Variants in RAI1 observed in about 807,000 individuals in gnomAD.
RAI1 encodes retinoic acid induced 1.
RAI1 carries 9 observed loss-of-function variants against 123.8 expected under a neutral mutation model. That is an observed-to-expected ratio of 0.07 (90% CI 0.04 to 0.13). The LOEUF (loss-of-function observed/expected upper bound fraction) is 0.13, where lower values mean the gene tolerates loss of function less well. Ranked by LOEUF, RAI1 falls within the 10% of genes least tolerant of loss-of-function variation. The probability of loss-of-function intolerance (pLI) is 1.00; values close to 1 mark genes in which losing one functional copy is unlikely to be tolerated. For synonymous variants in RAI1, 1,231 were observed against 1,127.3 expected, an observed-to-expected ratio of 1.09 and a Z score of -1.84; for missense variants, 2,256 against 2,545.8, an observed-to-expected ratio of 0.89 and a Z score of 2.45.
Position 17,809,369 on chromosome 17 carries a change from G to T in RAI1, c.5660-21G>T. 6.3e-7 allele frequency: 1 copy of T among 1,598,722 alleles called. No homozygotes were observed. The highest frequency in any genetic ancestry group is 8.6e-7 in the Non-Finnish European group (1 of 1,166,148). ...GGGCCCCCACCCTGTCCTAACCACC[G>T]AAACTTCTCTTTGGTCACAGGTTGC... On this transcript the variant is annotated intron_variant, in intron 4 of 5. Transcript: ENST00000353383. This position sits in a 1 kb window ranked among gnomAD's most constrained non-coding sequence, Gnocchi z 4.9.
Position 17,728,398 on chromosome 17 carries a change from A to T in RAI1, c.-17+4239A>T, listed in dbSNP as rs184454780. Among the ~76,000 whole-genome samples the T allele has an allele frequency of 2.0e-5, 3 of 152,298 alleles. No individual in the cohort carries two copies. In the East Asian group the frequency reaches 5.8e-4, roughly 29 times the overall value. ...CTGTGAAATGATCCGCACGTTAATT[A>T]AAAACGATTATATCCTGATTGAGCC... On this transcript the variant is annotated intron_variant, in intron 2 of 5. Coordinates refer to ENST00000353383, the MANE Select transcript of RAI1 (RefSeq NM_030665.4).
intron 2 of RAI1, among the ~76,000 whole-genome samples, chr17:17,726,400 C>G (rs1916091194): frequency 7.6e-6 from 1 of 131,502 alleles, no homozygotes; most frequent in Non-Finnish European, 1.6e-5. Flanking sequence ...GGGTGAGGCT[C>G]TGGGAGGCAG....
chr17:17,759,202 A>G (rs567143938), intron 2 of RAI1: 1 of 152,256 alleles, frequency 6.6e-6, no homozygotes, highest in Non-Finnish European at 1.5e-5. Flanking sequence ...GGGTGGTGTG[A>G]CCTCAGACCC....
intron 1 of RAI1, among the ~76,000 whole-genome samples, chr17:17,697,758 C>T (rs1034722927): frequency 4.6e-5 from 7 of 152,084 alleles, no homozygotes; most frequent in Non-Finnish European, 1.0e-4. Context: ...CTGGGACCAA[C>T]GTGTGGTTGT....
chr17:17,711,964 T>C (rs896414095), intron 1 of RAI1, among the ~76,000 whole-genome samples: 2 of 152,232 alleles, frequency 1.3e-5, no homozygotes, highest in African/African-American at 4.8e-5. Context: ...TGACCAGATA[T>C]GTGTTTTCAA....
chr17:17,691,559 G>A (rs1451664307), intron 1 of RAI1, among the ~76,000 whole-genome samples: 1 of 152,228 alleles, frequency 6.6e-6, no homozygotes, highest in Non-Finnish European at 1.5e-5. Flanking sequence ...CCAGCTGAGG[G>A]CACAGCCCAG....
intron 2 of RAI1, among the ~76,000 whole-genome samples, chr17:17,769,218 G>C (rs182199565): frequency 1.1e-3 from 165 of 152,368 alleles, no homozygotes; most frequent in African/African-American, 3.8e-3. Context: ...GGGTATCTGA[G>C]GGGAGCCCTT....
At chr17:17,729,910 A>G (rs868058541) in intron 2 of RAI1, among the ~76,000 whole-genome samples, 2 of 152,302 alleles carry the variant, frequency 1.3e-5, no homozygotes, top group South Asian at 2.1e-4. Context: ...GAGTGGGAGA[A>G]GGGAGAGATG....
intron 2 of RAI1, among the ~76,000 whole-genome samples, chr17:17,724,836 T>G (rs1460658331): frequency 6.6e-6 from 1 of 152,118 alleles, no homozygotes; most frequent in African/African-American, 2.4e-5. Context: ...CTCGGCGGCT[T>G]CCGGATCTGG....
intron 2 of RAI1, among the ~76,000 whole-genome samples, chr17:17,792,648 G>T (rs191002916): frequency 6.6e-6 from 1 of 151,836 alleles, no homozygotes; most frequent in Non-Finnish European, 1.5e-5. Flanking sequence ...ATCAGTGGCC[G>T]TCCTTGGCAA....
rs1185461239 is a variant in RAI1, at chr17:17,681,552, G to C, written c.-390G>C. The C allele has an allele frequency of 5.4e-6, 1 of 186,150 alleles. No individual in the cohort carries two copies. Among genetic ancestry groups the C allele is most frequent in the African/African-American group, 2.4e-5 (1 of 41,822 alleles). The allele number at this position is 186,150 out of a possible 1,614,324, so 11.5% of individuals were successfully genotyped here. ...GTCCCCGGGCGCCGCCCCCGCCCGC[G>C]GCTGGGCTCCGAGAGACGAGTGGGA... On this transcript the variant is annotated 5_prime_UTR_variant, in exon 1 of 6. Transcript: ENST00000353383.
chr17:17,793,031 AG>A lies in RAI1; in HGVS notation c.84del (p.Asn29IlefsTer10). 1 of 1,614,210 alleles carries A rather than the reference AG, an allele frequency of 6.2e-7. No homozygotes were observed. The highest frequency in any genetic ancestry group is 8.5e-7 in the Non-Finnish European group (1 of 1,180,034). On this transcript the variant is annotated frameshift_variant, in exon 3 of 6. Transcript: ENST00000353383. LOFTEE classifies it high-confidence loss of function. ...QQTSQETSRL[E>X]NYRQPSQAGL... is the part of the protein sequence containing the mutation. ...ACCTCGCAGGAAACATCACGCCTAG[AG>A]AATTACAGGCAGCCGAGTCAGGCCG...
intron 2 of RAI1, among the ~76,000 whole-genome samples, chr17:17,730,353 G>A (rs566615118): frequency 6.6e-6 from 1 of 152,308 alleles, no homozygotes; most frequent in Admixed American, 6.5e-5. Context: ...TAATGCAGAG[G>A]CCACCCACCC....
At chr17:17,761,977 G>A (rs1331757897) in intron 2 of RAI1, among the ~76,000 whole-genome samples, 1 of 152,166 alleles carries the variant, frequency 6.6e-6, no homozygotes, top group Non-Finnish European at 1.5e-5. Flanking sequence ...GGTTGAACCA[G>A]AAGTTCCTGA....
intron 2 of RAI1, chr17:17,777,301 G>A (rs1173756434): frequency 6.6e-6 from 1 of 152,206 alleles, no homozygotes; most frequent in Non-Finnish European, 1.5e-5. Context: ...GCCCTCACCA[G>A]CTAGGCAGAT....
intron 2 of RAI1, among the ~76,000 whole-genome samples, chr17:17,772,939 A>G (rs2031208684): frequency 6.6e-6 from 1 of 152,062 alleles, no homozygotes; most frequent in Non-Finnish European, 1.5e-5. Flanking sequence ...ATGCATGGAT[A>G]GAAAGAAGGT....
intron 1 of RAI1, among the ~76,000 whole-genome samples, chr17:17,694,542 C>T (rs1019759823): frequency 2.0e-5 from 3 of 152,158 alleles, no homozygotes; most frequent in East Asian, 1.9e-4. Context: ...GCCTCCGAGG[C>T]CATTTCCTTT....
At chr17:17,803,688 C>T (rs1009615065) in intron 3 of RAI1, 68 bp from the exon 4 acceptor site, 6 of 1,468,822 alleles carry the variant, frequency 4.1e-6, no homozygotes, top group African/African-American at 1.4e-5. Context: ...ACCTGGCCTA[C>T]CAGCCTGTAA....
In RAI1 at chr17:17,796,678, C is replaced by T; in HGVS notation, c.3730C>T (p.Arg1244Cys). 4 of 1,612,180 alleles carry T rather than the reference C, an allele frequency of 2.5e-6. No homozygotes were observed. The highest frequency in any genetic ancestry group is 3.4e-6 in the Non-Finnish European group (4 of 1,179,140). Residue 1244 changes from arginine (R) to cysteine (C), a missense_variant, in exon 3 of 6, where the codon CGC (arginine) becomes TGC (cysteine). Physicochemically the swap from Arg to Cys is radical, Grantham distance 180 (BLOSUM62 -3). Around this residue, in one of 7 missense-constraint regions of RAI1, gnomAD observed 322 missense variants for 358.0 expected, o/e 0.90. Transcript: ENST00000353383. This position sits in a 1 kb window ranked among gnomAD's most constrained non-coding sequence, Gnocchi z 5.8. ...GAAGCGGAACCTGGTCTTGCGGAGCCGCAGCAGCAGCAGCAGCAACGCCAG... is the reference window on the plus strand; with the variant it reads ...GAAGCGGAACCTGGTCTTGCGGAGCTGCAGCAGCAGCAGCAGCAACGCCAG... ...TKKRNLVLRS[R>C]SSSSSNASGN...
Sources: allele counts gnomAD v4.1 joint callset (sites outside exome capture counted in the v4.1 genomes callset), GRCh38; gene constraint gnomAD v4.1.1; regional missense constraint gnomAD v4.1.1; non-coding constraint Gnocchi (gnomAD v3.1); transcripts MANE v1.5; gene names NCBI Gene and HGNC (gene_info 2026-07-23, HGNC 2026-07-21).